Variants in ATF7IP observed in about 807,000 individuals in gnomAD.
ATF7IP encodes the protein activating transcription factor 7-interacting protein 1.
ATF7IP carries 23 observed loss-of-function variants against 106.4 expected under a neutral mutation model. The ratio of observed to expected loss-of-function variants is 0.22; its 90% CI spans 0.16 to 0.31. The LOEUF (loss-of-function observed/expected upper bound fraction) is 0.31, where lower values mean the gene tolerates loss of function less well. Ranked by LOEUF, ATF7IP falls within the 10% of genes least tolerant of loss-of-function variation. ATF7IP has a pLI of 1.00. For missense variants in ATF7IP, 1,334 were observed against 1,524.3 expected (o/e 0.88, Z 2.08); for synonymous variants, 542 against 539.0 (o/e 1.01, Z -0.08).
At chr12:14,487,045 A>G (rs1944643124) in intron 13 of ATF7IP, among the ~76,000 whole-genome samples, 1 of 152,144 alleles carries the variant, frequency 6.6e-6, no homozygotes, top group East Asian at 1.9e-4. Context: ...ACCAAGGGAG[A>G]TAAATCATTT....
intron 1 of ATF7IP, among the ~76,000 whole-genome samples, chr12:14,382,253 C>G (rs545467437): frequency 3.9e-5 from 6 of 152,234 alleles, no homozygotes; most frequent in South Asian, 4.1e-4. Context: ...AAAGATTAAA[C>G]ATTGGATAGT....
chr12:14,437,688 A>G (rs1021998803), intron 4 of ATF7IP, among the ~76,000 whole-genome samples: 7 of 152,228 alleles, frequency 4.6e-5, no homozygotes, highest in African/African-American at 1.7e-4. Context: ...TTTAGCAGAT[A>G]GTATTGTGTT....
chr12:14,468,487 G>T (rs1158588744), intron 10 of ATF7IP, among the ~76,000 whole-genome samples: 2 of 22,164 alleles, frequency 9.0e-5, no homozygotes, highest in African/African-American at 4.4e-4. Flanking sequence ...TAAAAAAGAA[G>T]AAACTTAAAA....
intron 1 of ATF7IP, among the ~76,000 whole-genome samples, chr12:14,389,702 A>C (rs966792019): frequency 6.6e-6 from 1 of 152,188 alleles, no homozygotes; most frequent in Middle Eastern, 3.4e-3. Context: ...ATCTCGGCTC[A>C]CCGCAACCTC....
At chr12:14,441,741 G>A (rs1041127276) in intron 5 of ATF7IP, among the ~76,000 whole-genome samples, 3 of 151,998 alleles carry the variant, frequency 2.0e-5, no homozygotes, top group South Asian at 2.1e-4. Context: ...TGCCCACCTC[G>A]GCCTCCCAAA....
chr12:14,450,412 T>C (rs1217330982), intron 6 of ATF7IP, among the ~76,000 whole-genome samples: 3 of 152,224 alleles, frequency 2.0e-5, no homozygotes, highest in Admixed American at 6.5e-5. Context: ...GTTCTTTTGC[T>C]GCATCAATTA....
At chr12:14,417,070 A>G (rs1009237584) in intron 1 of ATF7IP, 3 of 352,204 alleles carry the variant, frequency 8.5e-6, no homozygotes, top group Non-Finnish European at 1.2e-5. Context: ...TCTGATAACA[A>G]ATTTTCCATT....
At position 14,498,184 on chromosome 12, in the gene ATF7IP, C is replaced by T; in HGVS notation, c.*111C>T. The T allele has an allele frequency of 3.8e-6, 4 of 1,050,640 alleles. No homozygotes were observed. Among genetic ancestry groups the T allele is most frequent in the Non-Finnish European group, 5.5e-6 (4 of 723,464 alleles). The allele number at this position is 1,050,640 out of a possible 1,614,324, so 65.1% of individuals were successfully genotyped here. A position where few individuals can be genotyped will look rare whatever the true frequency, so the allele number is the denominator to read the frequency against. On this transcript the variant is annotated 3_prime_UTR_variant, in exon 15 of 15. Coordinates refer to ENST00000261168, the MANE Select transcript of ATF7IP (RefSeq NM_018179.5). ...TCCACCTTGTGCAAGATTTCTTGGA[C>T]AGATGTGTGTATACACTACATTTGT...
intron 1 of ATF7IP, among the ~76,000 whole-genome samples, chr12:14,412,830 A>G (rs1046757383): frequency 7.2e-5 from 11 of 152,126 alleles, no homozygotes; most frequent in African/African-American, 2.7e-4. Flanking sequence ...CCTGGCCAAC[A>G]TGGTGAAACC....
At chr12:14,447,534 G>A (rs1222503569) in intron 6 of ATF7IP, among the ~76,000 whole-genome samples, 1 of 151,942 alleles carries the variant, frequency 6.6e-6, no homozygotes, top group African/African-American at 2.4e-5. Context: ...ATCTACCTTG[G>A]CCTCCCAAAG....
chr12:14,414,316 T>C lies in ATF7IP; in HGVS notation c.-7-9593T>C, dbSNP rs191729765. ...AGTGACTTAATTTGGTTTTAGCCAA[T>C]GGAATGTGAATGAAAGTAATGTACA... is the stretch of plus-strand genomic sequence containing the variant. On this transcript the variant is annotated intron_variant, in intron 1 of 14. Coordinates refer to ENST00000261168, the MANE Select transcript of ATF7IP (RefSeq NM_018179.5). Among the ~76,000 whole-genome samples the C allele has an allele frequency of 1.2e-3, 187 of 152,338 alleles. 2 individuals carry two copies. The highest frequency in any genetic ancestry group is 4.3e-3 in the African/African-American group (179 of 41,576).
intron 10 of ATF7IP, among the ~76,000 whole-genome samples, chr12:14,468,304 G>A (rs1943909668): frequency 6.7e-6 from 1 of 149,290 alleles, no homozygotes; most frequent in South Asian, 2.1e-4. Flanking sequence ...TATAATATAT[G>A]TAACATCATA....
chr12:14,485,451 A>G (rs905667732), intron 13 of ATF7IP, among the ~76,000 whole-genome samples: 2 of 152,132 alleles, frequency 1.3e-5, no homozygotes, highest in African/African-American at 4.8e-5. Flanking sequence ...TTCCCATCCT[A>G]TGGCACACAA....
rs1266512761 is a variant in ATF7IP at position 14,497,987 on chromosome 12, G to A, written c.3727G>A (p.Val1243Ile). ...ATCTGGTAGCAAATACTACTTTGCA[G>A]TACGAGCCAAGGATATTTATGGACG... Reference protein sequence around the residue: ...FVSGSKYYFAVRAKDIYGRFG... With the variant: ...FVSGSKYYFAIRAKDIYGRFG... The change falls in exon 15 of 15, where the codon GTA becomes ATA. Residue 1243 changes from valine (V) to isoleucine (I), a missense_variant. Coordinates refer to ENST00000261168, the MANE Select transcript of ATF7IP (RefSeq NM_018179.5). 18 of 1,614,066 alleles carry A rather than the reference G, an allele frequency of 1.1e-5. No homozygotes were observed. Among genetic ancestry groups the A allele is most frequent in the Non-Finnish European group, 1.5e-5 (18 of 1,179,994 alleles).
chr12:14,425,349 A>G lies in ATF7IP; in HGVS notation c.1434A>G (p.Pro478=), dbSNP rs1437265845. ...EEKMESSFGS[P]SKQESSESLP... ...AAATGGAAAGTTCTTTTGGTTCACC[A>G]TCTAAACAAGAAAGTAGTGAGAGTT... Residue 478 remains proline, a synonymous_variant, in exon 2 of 15, where the codon CCA becomes CCG. Coordinates refer to ENST00000261168, the MANE Select transcript of ATF7IP (RefSeq NM_018179.5). The G allele has an allele frequency of 1.2e-6, 2 of 1,613,196 alleles. No individual in the cohort carries two copies. Among genetic ancestry groups the G allele is most frequent in the South Asian group, 1.1e-5 (1 of 90,782 alleles).
intron 1 of ATF7IP, among the ~76,000 whole-genome samples, chr12:14,403,099 TTGAAG>T (rs1940350545): frequency 6.6e-6 from 1 of 152,308 alleles, no homozygotes; most frequent in South Asian, 2.1e-4. Context: ...TCTTGTTAGT[TTGAAG>T]TGATCTTTAT....
At chr12:14,490,913 TGA>T in intron 13 of ATF7IP, among the ~76,000 whole-genome samples, 1 of 152,168 alleles carries the variant, frequency 6.6e-6, no homozygotes, top group South Asian at 2.1e-4. Context: ...TCAGGTGACT[TGA>T]TGACCCATAG....
chr12:14,370,946 C>G (rs1938510418), intron 1 of ATF7IP, among the ~76,000 whole-genome samples: 1 of 150,898 alleles, frequency 6.6e-6, no homozygotes, highest in Non-Finnish European at 1.5e-5. Flanking sequence ...GTACCTTACT[C>G]CTTTTCTGGC....
chr12:14,422,678 C>A (rs868679352), intron 1 of ATF7IP, among the ~76,000 whole-genome samples: 6 of 152,190 alleles, frequency 3.9e-5, no homozygotes, highest in Non-Finnish European at 5.9e-5. Context: ...ACTGGCTTCT[C>A]TCACTCAGCA....
Sources: gnomAD v4.1 joint callset for allele counts (sites outside exome capture counted in the v4.1 genomes callset) on GRCh38, gnomAD v4.1.1 for gene constraint, MANE v1.5 for transcripts, NCBI Gene and HGNC (gene_info 2026-07-23, HGNC 2026-07-21) for gene names.